SEPTIN3: variants seen among roughly 807,000 people sequenced by gnomAD.
SEPTIN3 encodes the protein neuronal-specific septin-3.
In SEPTIN3, 15 loss-of-function variants were observed where a neutral mutation model predicts 45.1. That is an observed-to-expected ratio of 0.33 (90% confidence interval 0.22 to 0.51). The LOEUF (loss-of-function observed/expected upper bound fraction) is 0.51, where lower values mean the gene tolerates loss of function less well. SEPTIN3 is among the 20% of genes least tolerant of loss of function. The pLI is 0.97. For synonymous variants in SEPTIN3, 148 were observed against 164.8 expected (o/e 0.90, Z 0.78); for missense variants, 289 against 457.2 (o/e 0.63, Z 3.35).
chr22:41,977,096 C>T, intron 2 of SEPTIN3: 5 of 1,587,372 alleles, frequency 3.1e-6, no homozygotes, highest in Non-Finnish European at 4.3e-6. Flanking sequence ...GGCCAGGCCA[C>T]CGGCACCCGC....
At chr22:41,970,586 C>G (rs1176607263) in intron 1 of SEPTIN3, among the ~76,000 whole-genome samples, 3 of 152,136 alleles carry the variant, frequency 2.0e-5, no homozygotes, top group Non-Finnish European at 4.4e-5. Context: ...GACCCCAGCT[C>G]ACCTGCAGCC....
At chr22:41,969,841 G>A (rs1003041623) in intron 1 of SEPTIN3, among the ~76,000 whole-genome samples, 164 bp downstream of exon 1, 1 of 152,068 alleles carries the variant, frequency 6.6e-6, no homozygotes. Context: ...CCTGCTCTGT[G>A]TGTGGGTGTG....
At position 41,976,952 on chromosome 22, in the gene SEPTIN3, G is replaced by A; in HGVS notation, c.1504+3956G>A. 1 of 974,722 alleles carries A rather than the reference G, an allele frequency of 1.0e-6. No homozygotes were observed. Among genetic ancestry groups the A allele is most frequent in the Non-Finnish European group, 1.4e-6 (1 of 717,990 alleles). 60.4% of individuals were successfully genotyped at this position (974,722 alleles called of 1,614,324 possible). A position where few individuals can be genotyped will look rare whatever the true frequency, so the allele number is the denominator to read the frequency against. On this transcript the variant is annotated intron_variant, in intron 2 of 11. Coordinates refer to ENST00000644076, the MANE Select transcript of SEPTIN3 (RefSeq NM_001363845.2). The surrounding 1 kb of genome is among the most constrained non-coding windows in gnomAD (Gnocchi z 5.8). ...GGGCGGGTGGGAGGAGAGCGCGAAG[G>A]GGCGAGGCCCGTTTGCAGGGGCCGC...
intron 9 of SEPTIN3, 66 bp downstream of exon 9, chr22:41,992,829 A>ATCTATAGG (rs1418157889): frequency 9.2e-7 from 1 of 1,091,760 alleles, no homozygotes; most frequent in Non-Finnish European, 1.4e-6. Flanking sequence ...TTTATTAAGC[A>ATCTATAGG]TCTATAGGTC....
In SEPTIN3 at chr22:41,998,022, T is replaced by G. The variant is rs1921068468; in HGVS notation, c.*1055T>G. ...TGTGGGCCATTCATCTACAACCAAGTCCTGATGGAGCAAGAGGCCCACGCC... is the reference window on the plus strand; with the variant it reads ...TGTGGGCCATTCATCTACAACCAAGGCCTGATGGAGCAAGAGGCCCACGCC... On this transcript the variant is annotated 3_prime_UTR_variant, in exon 12 of 12. Coordinates refer to ENST00000644076, the MANE Select transcript of SEPTIN3 (RefSeq NM_001363845.2). 6.6e-6 allele frequency: 1 copy of G among 152,600 alleles called. No homozygotes were observed. Among genetic ancestry groups the G allele is most frequent in the African/African-American group, 2.4e-5 (1 of 41,430 alleles). 9.5% of individuals were successfully genotyped at this position (152,600 alleles called of 1,614,324 possible). A position where few individuals can be genotyped will look rare whatever the true frequency, so the allele number is the denominator to read the frequency against.
rs989067947 is a variant in SEPTIN3, at chr22:41,994,486, G to C, written c.2412-135G>C. On this transcript the variant is annotated intron_variant, in intron 10 of 11. Transcript: ENST00000644076. This position sits in a 1 kb window ranked among gnomAD's most constrained non-coding sequence, Gnocchi z 4.2. ...TTCCAGCTCCTGTTGCAAAATGGAA[G>C]GTGCTGTAGAAGAATCCTTAGCTCC... 6.6e-7 allele frequency: 1 copy of C among 1,521,736 alleles called. No homozygotes were observed. Among genetic ancestry groups the C allele is most frequent in the Non-Finnish European group, 9.0e-7 (1 of 1,112,418 alleles). 94.3% of individuals were successfully genotyped at this position (1,521,736 alleles called of 1,614,324 possible).
In SEPTIN3 at chr22:41,976,962, C is replaced by G; in HGVS notation, c.1504+3966C>G. 1 of 1,207,694 alleles carries G rather than the reference C, an allele frequency of 8.3e-7. No homozygotes were observed. The highest frequency in any genetic ancestry group is 1.5e-5 in the South Asian group (1 of 67,234). The allele number at this position is 1,207,694 out of a possible 1,614,324, so 74.8% of individuals were successfully genotyped here. On this transcript the variant is annotated intron_variant, in intron 2 of 11. Transcript: ENST00000644076. This position sits in a 1 kb window ranked among gnomAD's most constrained non-coding sequence, Gnocchi z 5.8. ...GAGGAGAGCGCGAAGGGGCGAGGCC[C>G]GTTTGCAGGGGCCGCTCGGCCCGGG...
rs369406447 is a variant in SEPTIN3 at position 41,990,051 on chromosome 22, TTG to T, written c.2163+369_2163+370del. On this transcript the variant is annotated intron_variant, in intron 7 of 11. Coordinates refer to ENST00000644076, the MANE Select transcript of SEPTIN3 (RefSeq NM_001363845.2). ...ACTAGTCCTCACTGGCATCTTCTCT[TTG>T]TTTTTTTTTTGGAGTCTCTCTCTGT... Among the ~76,000 whole-genome samples, 58 of 134,578 alleles carry T rather than the reference TTG, an allele frequency of 4.3e-4. 1 individual carries two copies. The highest frequency in any genetic ancestry group is 6.2e-4 in the Non-Finnish European group (37 of 59,414). The allele number at this position is 134,578 out of a possible 152,430, so 88.3% of individuals were successfully genotyped here.
At position 41,976,914 on chromosome 22, in the gene SEPTIN3, G is replaced by C; in HGVS notation, c.1504+3918G>C. 1 of 366,400 alleles carries C rather than the reference G, an allele frequency of 2.7e-6. No homozygotes were observed. The highest frequency in any genetic ancestry group is 4.0e-6 in the Non-Finnish European group (1 of 252,450). 22.7% of individuals were successfully genotyped at this position (366,400 alleles called of 1,614,324 possible). Reference sequence around the variant, plus strand: ...GCGCGGGGCGCAGGGGCGGCGCGGCGGGGCCGCGGGCCGGGCGGGTGGGAG... The same window carrying C: ...GCGCGGGGCGCAGGGGCGGCGCGGCCGGGCCGCGGGCCGGGCGGGTGGGAG... On this transcript the variant is annotated intron_variant, in intron 2 of 11. Transcript: ENST00000644076. This position sits in a 1 kb window ranked among gnomAD's most constrained non-coding sequence, Gnocchi z 5.8.
intron 11 of SEPTIN3, chr22:41,995,022 C>A (rs1390562511): frequency 2.3e-5 from 29 of 1,242,042 alleles, no homozygotes; most frequent in Non-Finnish European, 2.9e-5. Flanking sequence ...CTCCTCCATG[C>A]CTGTCCATTA....
intron 11 of SEPTIN3, chr22:41,996,364 C>T (rs1396520417): frequency 1.4e-5 from 14 of 985,422 alleles, no homozygotes; most frequent in Non-Finnish European, 1.6e-5. Context: ...TTACAATAAC[C>T]TCATACAACC....
In SEPTIN3 at chr22:41,987,593, T is replaced by C. The variant is rs2078230748; in HGVS notation, c.1908-29T>C. The C allele has an allele frequency of 3.8e-6, 6 of 1,596,628 alleles. No individual in the cohort carries two copies. The East Asian group carries it at 1.1e-4, about 30-fold the overall frequency. On this transcript the variant is annotated intron_variant, in intron 5 of 11. Transcript: ENST00000644076. ...TGAGCCCTAGGTCTTGTTCTTCTGA[T>C]GCATCTATCTACTTTCCCTCCCCAT...
intron 7 of SEPTIN3, among the ~76,000 whole-genome samples, chr22:41,990,333 C>A (rs1241824668): frequency 6.6e-6 from 1 of 150,560 alleles, no homozygotes; most frequent in Non-Finnish European, 1.5e-5. Flanking sequence ...GGATTACAGG[C>A]GTGAGCCACC....
Position 41,987,717 on chromosome 22 carries a change from G to A in SEPTIN3, c.2003G>A (p.Arg668His). The change falls in exon 6 of 12, where the codon CGT becomes CAT. Residue 668 changes from arginine to histidine, a missense_variant. Physicochemically the swap from Arg to His is conservative, Grantham distance 29. Coordinates refer to ENST00000644076, the MANE Select transcript of SEPTIN3 (RefSeq NM_001363845.2). ...IARKKRIPDT[R>H]VHCCLYFISP... ...AGGAAGAAACGCATCCCTGACACTC[G>A]TGTCCACTGCTGCCTTTACTTCATC... 2.5e-6 allele frequency: 4 copies of A among 1,614,046 alleles called. No individual in the cohort carries two copies. Among genetic ancestry groups the A allele is most frequent in the South Asian group, 1.1e-5 (1 of 91,072 alleles).
rs1353553715 is a variant in SEPTIN3, at chr22:41,983,681, C to G, written c.1696+1845C>G. On this transcript the variant is annotated intron_variant, in intron 3 of 11. Transcript: ENST00000644076. ...TGTTCCCTCTGGCTAGAACTCATGA[C>G]TCTTTTGAAATCAACCTTCCGGTTT... Among the ~76,000 whole-genome samples the G allele has an allele frequency of 2.0e-5, 3 of 152,204 alleles. No individual in the cohort carries two copies. In the East Asian group the frequency reaches 5.8e-4, roughly 29 times the overall value.
intron 8 of SEPTIN3, 67 bp from the exon 9 acceptor site, chr22:41,992,597 C>A: frequency 9.4e-7 from 1 of 1,062,164 alleles, no homozygotes; most frequent in Non-Finnish European, 1.4e-6. Context: ...CATCCTGCTC[C>A]TGAAAGTCCA....
At chr22:41,995,846 A>G in intron 11 of SEPTIN3, 1 of 874,244 alleles carries the variant, frequency 1.1e-6, no homozygotes, top group Non-Finnish European at 1.4e-6. Flanking sequence ...GGAAGCACAC[A>G]TGCTAGTCAT....
chr22:41,977,486 A>G (rs2078048615), intron 2 of SEPTIN3, among the ~76,000 whole-genome samples: 1 of 152,146 alleles, frequency 6.6e-6, no homozygotes, highest in Non-Finnish European at 1.5e-5. Flanking sequence ...GTGGTCTCCA[A>G]GGGAACCCGT....
At chr22:41,985,083 C>T (rs1164671002) in intron 3 of SEPTIN3, among the ~76,000 whole-genome samples, 1 of 151,884 alleles carries the variant, frequency 6.6e-6, no homozygotes, top group Non-Finnish European at 1.5e-5. Context: ...ACTCGATCTC[C>T]TCCTGACCTC....
Sources: allele counts gnomAD v4.1 joint callset (sites outside exome capture counted in the v4.1 genomes callset), GRCh38; gene constraint gnomAD v4.1.1; non-coding constraint Gnocchi (gnomAD v3.1); transcripts MANE v1.5; gene names NCBI Gene and HGNC (gene_info 2026-07-23, HGNC 2026-07-21).